Variants in PRKCA observed in about 807,000 individuals in gnomAD.
PRKCA encodes the protein protein kinase C alpha, also known as protein kinase C alpha type.
In PRKCA, 27 loss-of-function variants were observed where a neutral mutation model predicts 87.0. The ratio of observed to expected loss-of-function variants is 0.31; its 90% CI spans 0.23 to 0.43. PRKCA has a LOEUF of 0.43. Among genes scored for constraint, PRKCA ranks in the 20% least tolerant of loss-of-function variants. The probability of loss-of-function intolerance (pLI) is 1.00; values close to 1 mark genes in which losing one functional copy is unlikely to be tolerated. For synonymous variants in PRKCA, 329 were observed against 311.1 expected (o/e 1.06, Z -0.61); for missense variants, 518 against 852.3 (o/e 0.61, Z 4.88).
At chr17:66,526,498 C>T (rs1482134257) in intron 3 of PRKCA, among the ~76,000 whole-genome samples, 1 of 152,162 alleles carries the variant, frequency 6.6e-6, no homozygotes, top group Non-Finnish European at 1.5e-5. Context: ...TACCTCTTCT[C>T]CAATTCTGAC....
chr17:66,353,006 C>T (rs897790627), intron 2 of PRKCA, among the ~76,000 whole-genome samples: 4 of 152,080 alleles, frequency 2.6e-5, no homozygotes, highest in Non-Finnish European at 4.4e-5. Context: ...TTTTAATATC[C>T]TGTTAGACGT....
chr17:66,587,895 GTATATATATATATATATATATA>G (rs71160580), intron 3 of PRKCA, among the ~76,000 whole-genome samples: 20 of 85,396 alleles, frequency 2.3e-4, no homozygotes, highest in African/African-American at 8.0e-4. Context: ...GTGTGTGTGT[GTATATATATATATATATATATA>G]TATATATATA....
rs1258737583 is a variant in PRKCA at position 66,780,265 on chromosome 17, G to A, written c.1605+6198G>A. Among the ~76,000 whole-genome samples, 4 of 152,188 alleles carry A rather than the reference G, an allele frequency of 2.6e-5. No homozygotes were observed. In the East Asian group the frequency reaches 5.8e-4, roughly 22 times the overall value. The stretch of plus-strand genomic sequence containing the variant: ...TGCCATGGAACAGTGGATCTGTCCT[G>A]ATGACGCATCACCTCAATGGCATTC... On this transcript the variant is annotated intron_variant, in intron 14 of 16. Coordinates refer to ENST00000413366, the MANE Select transcript of PRKCA (RefSeq NM_002737.3).
intron 8 of PRKCA, among the ~76,000 whole-genome samples, chr17:66,714,159 T>A (rs904995405): frequency 2.6e-5 from 4 of 152,086 alleles, no homozygotes; most frequent in Non-Finnish European, 1.5e-5. Flanking sequence ...ATCACACACC[T>A]TTCCTCTCCG....
At chr17:66,494,629 C>A (rs1212238445) in intron 2 of PRKCA, among the ~76,000 whole-genome samples, 1 of 152,148 alleles carries the variant, frequency 6.6e-6, no homozygotes, top group Non-Finnish European at 1.5e-5. Flanking sequence ...CCACAGCATG[C>A]AGTAAAGACT....
intron 2 of PRKCA, among the ~76,000 whole-genome samples, chr17:66,486,184 T>A (rs1915981063): frequency 6.6e-6 from 1 of 152,168 alleles, no homozygotes; most frequent in Admixed American, 6.5e-5. Context: ...TGTCATATAC[T>A]TATCTTTAAG....
intron 2 of PRKCA, among the ~76,000 whole-genome samples, chr17:66,467,659 G>T (rs1915142876): frequency 6.6e-6 from 1 of 152,144 alleles, no homozygotes; most frequent in Non-Finnish European, 1.5e-5. Flanking sequence ...CTGGGCTCAA[G>T]CGATCCTCCT....
chr17:66,495,187 G>A (rs1916418244), intron 2 of PRKCA, among the ~76,000 whole-genome samples: 1 of 151,898 alleles, frequency 6.6e-6, no homozygotes, highest in Admixed American at 6.6e-5. Flanking sequence ...TCAAAACCAT[G>A]TTAAGCTTTG....
chr17:66,319,572 GA>G (rs1012885406), intron 2 of PRKCA, among the ~76,000 whole-genome samples: 15 of 151,386 alleles, frequency 9.9e-5, no homozygotes, highest in African/African-American at 1.2e-4. Context: ...TTCTTAGCAT[GA>G]AAAAAAAATT....
chr17:66,338,620 C>T (rs1043650351), intron 2 of PRKCA, among the ~76,000 whole-genome samples: 7 of 152,086 alleles, frequency 4.6e-5, no homozygotes, highest in African/African-American at 1.7e-4. Context: ...GGCTGTTATT[C>T]AAAGCTGTCC....
At chr17:66,678,149 G>A (rs1171254991) in intron 5 of PRKCA, among the ~76,000 whole-genome samples, 1 of 151,998 alleles carries the variant, frequency 6.6e-6, no homozygotes, top group Non-Finnish European at 1.5e-5. Flanking sequence ...GTGATCACAT[G>A]TGTATTCTTA....
intron 2 of PRKCA, among the ~76,000 whole-genome samples, chr17:66,334,054 T>C (rs1567776471): frequency 6.6e-6 from 1 of 152,044 alleles, no homozygotes; most frequent in Non-Finnish European, 1.5e-5. Context: ...AGTTCAAGAC[T>C]GGCCTGGCCA....
At chr17:66,515,282 A>AAAAAG in intron 3 of PRKCA, among the ~76,000 whole-genome samples, 1 of 151,632 alleles carries the variant, frequency 6.6e-6, no homozygotes, top group African/African-American at 2.4e-5. Flanking sequence ...AAAAAAAAAA[A>AAAAAG]AAAAAAAGAA....
intron 2 of PRKCA, among the ~76,000 whole-genome samples, chr17:66,324,965 A>G (rs1010785024): frequency 1.3e-5 from 2 of 152,192 alleles, no homozygotes; most frequent in African/African-American, 4.8e-5. Flanking sequence ...GTCCCTTCCT[A>G]GCTACAGATC....
chr17:66,757,544 A>G (rs1974575863), intron 13 of PRKCA, among the ~76,000 whole-genome samples: 1 of 144,670 alleles, frequency 6.9e-6, no homozygotes, highest in Non-Finnish European at 1.5e-5. Flanking sequence ...CAAAGACAGT[A>G]GAGTGAAATA....
chr17:66,650,820 A>G (rs1971573154), intron 5 of PRKCA, among the ~76,000 whole-genome samples: 1 of 152,210 alleles, frequency 6.6e-6, no homozygotes, highest in Non-Finnish European at 1.5e-5. Flanking sequence ...TATTTGTTAC[A>G]GAATGAAGGA....
At chr17:66,547,365 C>T (rs72843696) in intron 3 of PRKCA, among the ~76,000 whole-genome samples, 258 of 152,198 alleles carry the variant, frequency 1.7e-3, no homozygotes, top group Middle Eastern at 3.4e-3. Flanking sequence ...GGTCCTGTTA[C>T]GTTTTACTGG....
intron 2 of PRKCA, among the ~76,000 whole-genome samples, chr17:66,370,928 T>C (rs1909071728): frequency 6.6e-6 from 1 of 152,168 alleles, no homozygotes; most frequent in African/African-American, 2.4e-5. Context: ...TGCTGTATTA[T>C]ACAGATAAGC....
intron 2 of PRKCA, among the ~76,000 whole-genome samples, chr17:66,472,804 A>G (rs941188746): frequency 1.3e-5 from 2 of 152,208 alleles, no homozygotes; most frequent in Non-Finnish European, 2.9e-5. Context: ...GGAAATGACT[A>G]TAGGTCATTT....
Sources: gnomAD v4.1 joint callset for allele counts (sites outside exome capture counted in the v4.1 genomes callset) on GRCh38, gnomAD v4.1.1 for gene constraint, MANE v1.5 for transcripts, NCBI Gene and HGNC (gene_info 2026-07-23, HGNC 2026-07-21) for gene names.